ASTN2: variants seen among roughly 807,000 people sequenced by gnomAD.
ASTN2 encodes the protein astrotactin 2, also known as astrotactin-2.
ASTN2 carries 54 observed loss-of-function variants against 139.8 expected under a neutral mutation model. That is an observed-to-expected ratio of 0.39 (90% CI 0.31 to 0.48). ASTN2 has a LOEUF of 0.48. Among genes scored for constraint, ASTN2 ranks in the 20% least tolerant of loss-of-function variants. The probability of loss-of-function intolerance (pLI) is 0.95; values close to 1 mark genes in which losing one functional copy is unlikely to be tolerated. For synonymous variants in ASTN2, 756 were observed against 719.5 expected (o/e 1.05, Z -0.81); for missense variants, 1,565 against 1,725.1 (o/e 0.91, Z 1.64).
intron 19 of ASTN2, among the ~76,000 whole-genome samples, chr9:116,554,411 G>A (rs552738832): frequency 5.9e-5 from 9 of 152,210 alleles, no homozygotes; most frequent in Non-Finnish European, 8.8e-5. Flanking sequence ...ATCAGAAGCC[G>A]GTCCTTTCCA....
At chr9:116,603,453 G>A (rs1281399655) in intron 19 of ASTN2, among the ~76,000 whole-genome samples, 1 of 152,186 alleles carries the variant, frequency 6.6e-6, no homozygotes, top group African/African-American at 2.4e-5. Context: ...AATGGTCACT[G>A]GAGATGAGCA....
At chr9:116,641,373 TCTAC>T in intron 17 of ASTN2, among the ~76,000 whole-genome samples, 1 of 152,288 alleles carries the variant, frequency 6.6e-6, no homozygotes, top group Non-Finnish European at 1.5e-5. Context: ...AAATCCTGGC[TCTAC>T]AAGTTCCTAT....
chr9:116,845,769 G>C (rs944508842), intron 11 of ASTN2, among the ~76,000 whole-genome samples: 1 of 152,162 alleles, frequency 6.6e-6, no homozygotes, highest in Non-Finnish European at 1.5e-5. Flanking sequence ...GCACACTCTT[G>C]ATAGGATTGT....
intron 12 of ASTN2, among the ~76,000 whole-genome samples, chr9:116,809,289 C>A (rs529396671): frequency 6.6e-6 from 1 of 152,120 alleles, no homozygotes; most frequent in East Asian, 1.9e-4. Context: ...TTTATTTTAA[C>A]TTAACTATTT....
At chr9:116,661,308 T>C (rs1041200808) in intron 16 of ASTN2, among the ~76,000 whole-genome samples, 5 of 152,110 alleles carry the variant, frequency 3.3e-5, no homozygotes, top group Admixed American at 2.6e-4. Flanking sequence ...GATCCTTTCT[T>C]GGCAAAGAAG....
intron 19 of ASTN2, among the ~76,000 whole-genome samples, chr9:116,509,857 CT>C (rs1850290142): frequency 6.6e-6 from 1 of 151,456 alleles, no homozygotes; most frequent in South Asian, 2.1e-4. Flanking sequence ...GGGGTTGTTT[CT>C]TTTTTTCTTG....
At chr9:116,722,169 T>G (rs1828489509) in intron 16 of ASTN2, among the ~76,000 whole-genome samples, 1 of 152,148 alleles carries the variant, frequency 6.6e-6, no homozygotes, top group African/African-American at 2.4e-5. Context: ...TGATGAAATA[T>G]TGGGATACTA....
chr9:116,623,412 A>C (rs887742417), intron 17 of ASTN2, among the ~76,000 whole-genome samples: 3 of 152,020 alleles, frequency 2.0e-5, no homozygotes, highest in Non-Finnish European at 4.4e-5. Flanking sequence ...ACACAAACAC[A>C]CCCTGATAAA....
intron 1 of ASTN2, among the ~76,000 whole-genome samples, chr9:117,361,334 G>A (rs1483690542): frequency 2.6e-5 from 4 of 152,108 alleles, no homozygotes; most frequent in African/African-American, 2.4e-5. Flanking sequence ...ATAGCAAGTC[G>A]CTCCCATGCA....
At position 116,948,785 on chromosome 9, in the gene ASTN2, G is replaced by GTTTTTTTTTTTTTTTTTTTTT. The variant is rs58832163; in HGVS notation, c.1889+26402_1889+26422dup. On this transcript the variant is annotated intron_variant, in intron 10 of 22. Transcript: ENST00000313400. ...AGAGAGAGGAGAGAAATAATTTGGT[G>GTTTTTTTTTTTTTTTTTTTTT]TTTTTTTTTTTTTTTTTTTTTTTTT... 3.6e-4 allele frequency among the ~76,000 whole-genome samples: 18 copies of GTTTTTTTTTTTTTTTTTTTTT among 49,474 alleles called. 4 individuals carry two copies. The highest frequency in any genetic ancestry group is 1.0e-3 in the African/African-American group (12 of 11,590). 32.5% of individuals were successfully genotyped at this position (49,474 alleles called of 152,430 possible).
rs1404100247 is a variant in ASTN2 at position 116,565,550 on chromosome 9, AC to A, written c.3355+52773del. Reference sequence around the variant, plus strand: ...TCCCTCCACCTGCCCACCCATTCCCACCCCGGACCCCAAGCTCAAGTGATCT... The same window carrying A: ...TCCCTCCACCTGCCCACCCATTCCCACCCGGACCCCAAGCTCAAGTGATCT... On this transcript the variant is annotated intron_variant, in intron 19 of 22. Transcript: ENST00000313400. 2.6e-5 allele frequency among the ~76,000 whole-genome samples: 3 copies of A among 116,250 alleles called. No individual in the cohort carries two copies. In the Admixed American group the frequency reaches 2.6e-4, roughly 10 times the overall value. 76.3% of individuals were successfully genotyped at this position (116,250 alleles called of 152,430 possible).
At chr9:117,033,816 G>A (rs936322516) in intron 6 of ASTN2, among the ~76,000 whole-genome samples, 2 of 151,950 alleles carry the variant, frequency 1.3e-5, no homozygotes, top group East Asian at 3.9e-4. Flanking sequence ...TTTCACGTAC[G>A]CAAAATGAGG....
At position 117,182,173 on chromosome 9, in the gene ASTN2, G is replaced by T. The variant is rs1831086748; in HGVS notation, c.1015+32185C>A. 2.0e-5 allele frequency among the ~76,000 whole-genome samples: 3 copies of T among 151,678 alleles called. No homozygotes were observed. The South Asian group carries it at 6.2e-4, about 32-fold the overall frequency. ...GCCCACACTTCCTGAGGAAAAGAGA[G>T]CAGGCCAGCCTCATGCATATTTATG... On this transcript the variant is annotated intron_variant, in intron 3 of 22. Coordinates refer to ENST00000313400, the MANE Select transcript of ASTN2 (RefSeq NM_001365068.1).
At chr9:116,763,458 T>A (rs979440027) in intron 13 of ASTN2, among the ~76,000 whole-genome samples, 1 of 152,110 alleles carries the variant, frequency 6.6e-6, no homozygotes, top group African/African-American at 2.4e-5. Flanking sequence ...CCGAAAACCA[T>A]CTTCAAATAC....
chr9:116,911,967 A>G (rs887697127), intron 10 of ASTN2, among the ~76,000 whole-genome samples: 6 of 144,416 alleles, frequency 4.2e-5, no homozygotes, highest in Non-Finnish European at 9.4e-5. Flanking sequence ...ATCTAAAATT[A>G]GTTAAAAAAA....
chr9:117,157,132 G>GT lies in ASTN2; in HGVS notation c.1016-15655dup, dbSNP rs199975110. Reference sequence around the variant, plus strand: ...GCAGCAAATTGGCAAGTTTCCACTGGTTTGTAATAAGTTAATGATGCCCAA... The same window carrying GT: ...GCAGCAAATTGGCAAGTTTCCACTGGTTTTGTAATAAGTTAATGATGCCCAA... On this transcript the variant is annotated intron_variant, in intron 3 of 22. Coordinates refer to ENST00000313400, the MANE Select transcript of ASTN2 (RefSeq NM_001365068.1). Among the ~76,000 whole-genome samples the GT allele has an allele frequency of 1.6e-3, 247 of 152,136 alleles. 1 individual carries two copies. The highest frequency in any genetic ancestry group is 5.8e-3 in the African/African-American group (241 of 41,548).
At chr9:116,835,680 A>T (rs901940511) in intron 11 of ASTN2, among the ~76,000 whole-genome samples, 2 of 152,154 alleles carry the variant, frequency 1.3e-5, no homozygotes, top group Non-Finnish European at 2.9e-5. Context: ...CCTTGGGTAC[A>T]TGTTTTCAGG....
intron 17 of ASTN2, among the ~76,000 whole-genome samples, chr9:116,632,204 GAAAA>G (rs1564169058): frequency 9.9e-4 from 53 of 53,340 alleles, no homozygotes; most frequent in African/African-American, 3.1e-3. Context: ...GAGAAAGAAA[GAAAA>G]GAAAGAAAGA....
In ASTN2 at chr9:116,686,295, C is replaced by G. The variant is rs558401622; in HGVS notation, c.2807-34502G>C. Among the ~76,000 whole-genome samples, 5 of 152,292 alleles carry G rather than the reference C, an allele frequency of 3.3e-5. No homozygotes were observed. The East Asian group carries it at 7.7e-4, about 24-fold the overall frequency. On this transcript the variant is annotated intron_variant, in intron 16 of 22. Transcript: ENST00000313400. ...GTAGGTTAACCATCAGCTGCCTTAT[C>G]TCATTAGGTCCTTATGAGGATTTAG...
Sources: gnomAD v4.1 joint callset for allele counts (sites outside exome capture counted in the v4.1 genomes callset) on GRCh38, gnomAD v4.1.1 for gene constraint, MANE v1.5 for transcripts, NCBI Gene and HGNC (gene_info 2026-07-23, HGNC 2026-07-21) for gene names.